The following SDS variants were observed in gnomAD, a reference collection of about 807,000 sequenced individuals.
SDS encodes serine dehydratase.
A neutral mutation model predicts 29.3 loss-of-function variants in SDS; 19 were observed. The observed-to-expected ratio is 0.65, with a 90% CI of 0.45 to 0.95. The LOEUF (loss-of-function observed/expected upper bound fraction) is 0.95. Among genes scored for constraint, SDS ranks in the 40% least tolerant of loss-of-function variants. The pLI is 0.00. For missense variants in SDS, 375 were observed against 439.9 expected (o/e 0.85, Z 1.32); for synonymous variants, 176 against 189.0 (o/e 0.93, Z 0.56).
intron 3 of SDS, 91 bp from the exon 4 acceptor site, chr12:113,398,937 T>TC: frequency 2.0e-6 from 3 of 1,520,324 alleles, no homozygotes; most frequent in Non-Finnish European, 2.7e-6. Flanking sequence ...GCTCTGGAGT[T>TC]CCCCCCTCAC....
intron 5 of SDS, 52 bp from the exon 6 acceptor site, chr12:113,397,444 AC>A: frequency 1.4e-6 from 2 of 1,473,022 alleles, no homozygotes; most frequent in Non-Finnish European, 1.9e-6. Context: ...TCCTGGAGAC[AC>A]CAGCTCAGGT....
chr12:113,394,691 G>T (rs1450085900), intron 6 of SDS, among the ~76,000 whole-genome samples: 1 of 152,128 alleles, frequency 6.6e-6, no homozygotes, highest in Non-Finnish European at 1.5e-5. Flanking sequence ...CCTCGGCACA[G>T]CGTCATATTC....
intron 6 of SDS, 145 bp from the exon 7 acceptor site, chr12:113,394,161 T>C (rs1957630683): frequency 1.3e-6 from 1 of 741,632 alleles, no homozygotes; most frequent in South Asian, 1.9e-5. Context: ...TCTGCAGCTG[T>C]AAAACCCTGA....
chr12:113,393,118 G>A lies in SDS; in HGVS notation c.810C>T (p.Cys270=), dbSNP rs776756863. 20 of 1,613,984 alleles carry A rather than the reference G, an allele frequency of 1.2e-5. No individual in the cohort carries two copies. Among genetic ancestry groups the A allele is most frequent in the East Asian group, 6.7e-5 (3 of 44,882 alleles). Residue 270 remains cysteine, a synonymous_variant, in exon 8 of 8, where the codon TGC becomes TGT. Coordinates refer to ENST00000257549, the MANE Select transcript of SDS (RefSeq NM_006843.3). Reference sequence around the variant, plus strand: ...TATAGACAGCGGCCAGGGCTGCCCCGCAGGCGGGCTCCACCAGGATCTTCT... The same window carrying A: ...TATAGACAGCGGCCAGGGCTGCCCCACAGGCGGGCTCCACCAGGATCTTCT... ...DDEKILVEPA[C]GAALAAVYSH... is the part of the protein sequence containing the mutation.
chr12:113,393,969 T>C lies in SDS; in HGVS notation c.701A>G (p.Lys234Arg), dbSNP rs774669339. ...GAAAATGGGGTGTTCCTGAAACAGC[T>C]TCAGGGCCTGAGCCCCCACAGTCTT... ...GVKTVGAQAL[K>R]LFQEHPIFSE... The change falls in exon 7 of 8, where the codon AAG (lysine) becomes AGG (arginine). Residue 234 changes from lysine to arginine, a missense_variant. By Grantham distance (26) the Lys-to-Arg change is conservative. Coordinates refer to ENST00000257549, the MANE Select transcript of SDS (RefSeq NM_006843.3). 1.2e-6 allele frequency: 2 copies of C among 1,614,062 alleles called. No individual in the cohort carries two copies. The highest frequency in any genetic ancestry group is 3.3e-5 in the Admixed American group (2 of 60,004).
chr12:113,396,807 A>G, intron 6 of SDS: 1 of 288,912 alleles, frequency 3.5e-6, no homozygotes, highest in Non-Finnish European at 6.6e-6. Flanking sequence ...AAAAAAAAAC[A>G]AAAAACTTTT....
intron 6 of SDS, among the ~76,000 whole-genome samples, chr12:113,395,354 A>C (rs902306267): frequency 1.3e-5 from 2 of 152,178 alleles, no homozygotes; most frequent in African/African-American, 2.4e-5. Flanking sequence ...ACAGTGTGGG[A>C]CACAGCAGCT....
At chr12:113,393,253 T>A in intron 7 of SDS, 104 bp from the exon 8 acceptor site, 1 of 1,127,664 alleles carries the variant, frequency 8.9e-7, no homozygotes, top group South Asian at 1.3e-5. Context: ...CAATCAGCTC[T>A]CAGCCCTGGC....
At chr12:113,394,550 G>C (rs1957633763) in intron 6 of SDS, among the ~76,000 whole-genome samples, 1 of 151,966 alleles carries the variant, frequency 6.6e-6, no homozygotes, top group African/African-American at 2.4e-5. Context: ...ATGTTGACCA[G>C]GCTGGCCTCG....
At chr12:113,394,295 T>C (rs993329588) in intron 6 of SDS, among the ~76,000 whole-genome samples, 1 of 152,110 alleles carries the variant, frequency 6.6e-6, no homozygotes, top group East Asian at 1.9e-4. Context: ...AGTGTCACTA[T>C]GTTGCCCAGG....
In SDS at chr12:113,392,846, G is replaced by A; in HGVS notation, c.*95C>T. ...GTTAACCTGCACCCAGGCCACAGGT[G>A]CTCAGCCAAACATACGACGAGGCGC... is the stretch of plus-strand genomic sequence containing the variant. On this transcript the variant is annotated 3_prime_UTR_variant, in exon 8 of 8. Coordinates refer to ENST00000257549, the MANE Select transcript of SDS (RefSeq NM_006843.3). 8.4e-7 allele frequency: 1 copy of A among 1,195,014 alleles called. No individual in the cohort carries two copies. The highest frequency in any genetic ancestry group is 2.0e-5 in the Admixed American group (1 of 49,334). 74.0% of individuals were successfully genotyped at this position (1,195,014 alleles called of 1,614,324 possible).
intron 1 of SDS, among the ~76,000 whole-genome samples, chr12:113,402,914 G>A (rs1015923698): frequency 3.9e-5 from 6 of 152,174 alleles, no homozygotes; most frequent in Non-Finnish European, 7.3e-5. Flanking sequence ...TGCCCACTCC[G>A]GCAGTCGGAA....
chr12:113,399,859 G>A, intron 1 of SDS, 149 bp from the exon 2 acceptor site: 1 of 705,816 alleles, frequency 1.4e-6, no homozygotes, highest in South Asian at 2.3e-5. Flanking sequence ...ATCGCAAGTG[G>A]GCCACCTACT....
At chr12:113,398,904 G>T in intron 3 of SDS, 58 bp from the exon 4 acceptor site, 1 of 1,549,780 alleles carries the variant, frequency 6.5e-7, no homozygotes. Context: ...AGCCCAGGCA[G>T]GACTGCGTAC....
chr12:113,403,381 G>A (rs998408258), intron 1 of SDS, among the ~76,000 whole-genome samples: 14 of 152,054 alleles, frequency 9.2e-5, no homozygotes, highest in East Asian at 5.8e-4. Context: ...AAAATTAGCC[G>A]GGCGTGGTGG....
At chr12:113,402,646 G>A (rs956342568) in intron 1 of SDS, among the ~76,000 whole-genome samples, 3 of 152,190 alleles carry the variant, frequency 2.0e-5, no homozygotes, top group Admixed American at 6.5e-5. Context: ...AGGGACAATC[G>A]GGGTGGGAGT....
chr12:113,395,216 A>G (rs1341290963), intron 6 of SDS, among the ~76,000 whole-genome samples: 3 of 152,224 alleles, frequency 2.0e-5, no homozygotes, highest in Admixed American at 2.0e-4. Context: ...TGGGGTGACC[A>G]CTAGCTCTAT....
At chr12:113,394,058 A>C in intron 6 of SDS, 42 bp from the exon 7 acceptor site, 1 of 1,597,408 alleles carries the variant, frequency 6.3e-7, no homozygotes. Flanking sequence ...GAGTGGGGGA[A>C]ACAGGAGAGA....
intron 1 of SDS, among the ~76,000 whole-genome samples, chr12:113,401,442 G>A (rs1031646674): frequency 2.6e-5 from 4 of 151,988 alleles, no homozygotes; most frequent in Non-Finnish European, 4.4e-5. Context: ...ATGTTGGCCA[G>A]GCTGGTCTCC....
Sources: gnomAD v4.1 joint callset for allele counts (sites outside exome capture counted in the v4.1 genomes callset) on GRCh38, gnomAD v4.1.1 for gene constraint, MANE v1.5 for transcripts, NCBI Gene and HGNC (gene_info 2026-07-23, HGNC 2026-07-21) for gene names.